The following SIGLEC1 variants were observed in gnomAD, a reference collection of about 807,000 sequenced individuals.
SIGLEC1 encodes the protein sialic acid binding Ig like lectin 1.
Under a neutral mutation model 148.0 loss-of-function variants are expected in SIGLEC1, and 132 were observed. That is an observed-to-expected ratio of 0.89 (90% CI 0.77 to 1.03). The LOEUF (loss-of-function observed/expected upper bound fraction) is 1.03, where lower values mean the gene tolerates loss of function less well. Ranked by LOEUF, SIGLEC1 falls within the 50% of genes least tolerant of loss-of-function variation. SIGLEC1 has a pLI of 0.00. For missense variants in SIGLEC1, 2,253 were observed against 2,271.4 expected (o/e 0.99, Z 0.16); for synonymous variants, 945 against 969.0 (o/e 0.98, Z 0.46).
intron 21 of SIGLEC1, 43 bp from the exon 22 acceptor site, chr20:3,688,662 CCAGGGCAGGCCCCCAGGCCCCCAGCCT>C: frequency 6.7e-7 from 1 of 1,497,620 alleles, no homozygotes; most frequent in South Asian, 1.3e-5. Context: ...CCTCTGGGAG[CCAGGGCAGGCCCCCAGGCCCCCAGCCT>C]CAGGTGGGGT....
chr20:3,694,679 G>A lies in SIGLEC1; in HGVS notation c.2928C>T (p.Ile976=), dbSNP rs1297935063. The stretch of plus-strand genomic sequence containing the variant: ...AGTCCTTACAGGACACGTGGAGGCT[G>A]ATGGGTGCAGCTAGGCTCGTGGTGG... ...GSATTSLAAP[I]SLHVSYAPRH... is the part of the protein sequence containing the mutation. Residue 976 remains isoleucine (I), a synonymous_variant, in exon 12 of 22, where the codon ATC becomes ATT. Transcript: ENST00000344754. 1.9e-6 allele frequency: 3 copies of A among 1,613,338 alleles called. No homozygotes were observed. Among genetic ancestry groups the A allele is most frequent in the African/African-American group, 2.7e-5 (2 of 74,918 alleles).
In SIGLEC1 at chr20:3,688,295, G is replaced by A; in HGVS notation, c.*265C>T. 4.3e-6 allele frequency: 2 copies of A among 469,570 alleles called. No homozygotes were observed. Among genetic ancestry groups the A allele is most frequent in the South Asian group, 4.1e-5 (2 of 48,658 alleles). 29.1% of individuals were successfully genotyped at this position (469,570 alleles called of 1,614,324 possible). A position where few individuals can be genotyped will look rare whatever the true frequency, so the allele number is the denominator to read the frequency against. ...GCTTCCTTTGAGGGAGAAATGGAGA[G>A]AAGGGAGGAGATCCAGAGAAGAGAG... On this transcript the variant is annotated 3_prime_UTR_variant, in exon 22 of 22. Coordinates refer to ENST00000344754, the MANE Select transcript of SIGLEC1 (RefSeq NM_023068.4).
chr20:3,693,604 G>A lies in SIGLEC1; in HGVS notation c.3351C>T (p.Leu1117=), dbSNP rs1263259443. ...GCCCATCCTGGTACCATGTGTAGGT[G>A]AGCTGGGCCGGGTGAGTGGTCCACA... is the stretch of plus-strand genomic sequence containing the variant. ...CLVWTTHPAQ[L]TYTWYQDGQQ... The change falls in exon 14 of 22, where the codon CTC becomes CTT. Residue 1117 remains leucine, a synonymous_variant. Transcript: ENST00000344754. 6.2e-7 allele frequency: 1 copy of A among 1,612,950 alleles called. No homozygotes were observed. Among genetic ancestry groups the A allele is most frequent in the Non-Finnish European group, 8.5e-7 (1 of 1,179,736 alleles).
chr20:3,709,732 G>A (rs529327997), intron 1 of SIGLEC1, among the ~76,000 whole-genome samples: 3 of 152,270 alleles, frequency 2.0e-5, no homozygotes, highest in Admixed American at 6.5e-5. Context: ...AATATCAATC[G>A]GCCATAAGGA....
chr20:3,692,476 A>G, intron 16 of SIGLEC1, 45 bp downstream of exon 16: 3 of 1,536,134 alleles, frequency 2.0e-6, no homozygotes, highest in Non-Finnish European at 2.6e-6. Flanking sequence ...AGCACCCTCC[A>G]CCACCCTCCT....
At position 3,694,505 on chromosome 20, in the gene SIGLEC1, G is replaced by T. The variant is rs770904066; in HGVS notation, c.2972C>A (p.Thr991Asn). Reference protein sequence around the residue: ...SYAPRHVTLTTLMDTGPGRLG... With the variant: ...SYAPRHVTLTNLMDTGPGRLG... ...TCGTCCAGGGCCTGTGTCCATCAGGGTAGTGAGTGTGACGTGGCGTGGGGC... is the reference window on the plus strand; with the variant it reads ...TCGTCCAGGGCCTGTGTCCATCAGGTTAGTGAGTGTGACGTGGCGTGGGGC... Residue 991 changes from threonine (T) to asparagine (N), a missense_variant, in exon 13 of 22, where the codon ACC becomes AAC. Physicochemically the swap from Thr to Asn is moderately conservative, Grantham distance 65. Transcript: ENST00000344754. The T allele has an allele frequency of 2.5e-6, 4 of 1,574,838 alleles. No individual in the cohort carries two copies. Among genetic ancestry groups the T allele is most frequent in the Admixed American group, 3.5e-5 (2 of 56,442 alleles).
At position 3,697,138 on chromosome 20, in the gene SIGLEC1, A is replaced by G. The variant is rs199749371; in HGVS notation, c.2327T>C (p.Ile776Thr). The stretch of plus-strand genomic sequence containing the variant: ...GAGCTGGGCACCAGCCTCAGTCAGG[A>G]TGCGGCAGGCGTAAAGGGCAGCATC... ...RTDAALYACR[I>T]LTEAGAQLST... is the part of the protein sequence containing the mutation. Residue 776 changes from isoleucine to threonine, a missense_variant, in exon 10 of 22, where the codon ATC becomes ACC. By Grantham distance (89) the Ile-to-Thr change is moderately conservative. Coordinates refer to ENST00000344754, the MANE Select transcript of SIGLEC1 (RefSeq NM_023068.4). 4 of 1,613,586 alleles carry G rather than the reference A, an allele frequency of 2.5e-6. No homozygotes were observed. The highest frequency in any genetic ancestry group is 3.3e-5 in the Admixed American group (2 of 60,006).
At chr20:3,691,243 T>C (rs1028403524) in intron 18 of SIGLEC1, 97 bp downstream of exon 18, 1 of 1,485,058 alleles carries the variant, frequency 6.7e-7, no homozygotes, top group Middle Eastern at 1.8e-4. Flanking sequence ...TCAATATCCG[T>C]GAAGCCTTCA....
rs772806805 is a variant in SIGLEC1, at chr20:3,691,356, G to A, written c.4575C>T (p.Val1525=). 124 of 1,613,410 alleles carry A rather than the reference G, an allele frequency of 7.7e-5. 2 individuals are homozygous for A. The South Asian group carries it at 1.3e-3, about 17-fold the overall frequency. Residue 1525 remains valine (V), a synonymous_variant, in exon 18 of 22, where the codon GTC becomes GTT. Transcript: ENST00000344754. The stretch of plus-strand genomic sequence containing the variant: ...CACACTCACAGAGCACACGGAGCAT[G>A]ACTGGAGCAGAGGCAGCAGCCCCAG... ...LPTGAAASAP[V]MLRVLYPPKT...
Position 3,692,712 on chromosome 20 carries a change from G to A in SIGLEC1, c.3839C>T (p.Thr1280Ile), listed in dbSNP as rs1289826085. The change falls in exon 16 of 22, where the codon ACC becomes ATC. Residue 1280 changes from threonine (T) to isoleucine (I), a missense_variant. Coordinates refer to ENST00000344754, the MANE Select transcript of SIGLEC1 (RefSeq NM_023068.4). The stretch of plus-strand genomic sequence containing the variant: ...TGCGTGGGCAGCAGGGTCCGCACAG[G>A]TCACTGTGATGGGGGCACCTTCAGG... ...AVPEGAPITV[T>I]CADPAAHAPT... 1.9e-6 allele frequency: 3 copies of A among 1,612,632 alleles called. No individual in the cohort carries two copies. Among genetic ancestry groups the A allele is most frequent in the Non-Finnish European group, 2.5e-6 (3 of 1,179,910 alleles).
chr20:3,696,129 T>TATATATATATATACACACAC (rs11087599), intron 11 of SIGLEC1, among the ~76,000 whole-genome samples: 122 of 142,502 alleles, frequency 8.6e-4, no homozygotes, highest in African/African-American at 3.2e-3. Flanking sequence ...ACTATATATA[T>TATATATATATATACACACAC]ACACACACAC....
In SIGLEC1 at chr20:3,710,203, T is replaced by C. The variant is rs1446529481; in HGVS notation, c.-110+2267A>G. Among the ~76,000 whole-genome samples the C allele has an allele frequency of 1.3e-5, 2 of 152,070 alleles. No individual in the cohort carries two copies. Among genetic ancestry groups the C allele is most frequent in the Non-Finnish European group, 2.9e-5 (2 of 68,000 alleles). On this transcript the variant is annotated intron_variant, in intron 1 of 21. Coordinates refer to ENST00000344754, the MANE Select transcript of SIGLEC1 (RefSeq NM_023068.4). This position sits in a 1 kb window ranked among gnomAD's most constrained non-coding sequence, Gnocchi z 4.6. ...CTCCCAGCCCATCCGCCTCAGGGGC[T>C]GGGCTCAGCAGATTCCAATGACTAC... is the stretch of plus-strand genomic sequence containing the variant.
At chr20:3,705,424 G>A (rs1189606497) in intron 4 of SIGLEC1, among the ~76,000 whole-genome samples, 1 of 152,192 alleles carries the variant, frequency 6.6e-6, no homozygotes, top group African/African-American at 2.4e-5. Context: ...CCTCCAGCAC[G>A]GGGTAAATCC....
At position 3,698,048 on chromosome 20, in the gene SIGLEC1, G is replaced by A. The variant is rs1456546310; in HGVS notation, c.1872C>T (p.Cys624=). 6.2e-7 allele frequency: 1 copy of A among 1,607,504 alleles called. No individual in the cohort carries two copies. Among genetic ancestry groups the A allele is most frequent in the South Asian group, 1.1e-5 (1 of 90,212 alleles). Residue 624 remains cysteine, a synonymous_variant, in exon 9 of 22, where the codon TGC becomes TGT. Coordinates refer to ENST00000344754, the MANE Select transcript of SIGLEC1 (RefSeq NM_023068.4). The part of the protein sequence containing the change: ...AGAGRRGLLL[C]RVDSDPPARL... ...TGGCGGGGGGGTCGCTGTCCACACG[G>A]CACAAAAGGAGGCCTCGCCGTCCAG...
Position 3,693,618 on chromosome 20 carries a change from G to T in SIGLEC1, c.3337C>A (p.His1113Asn), listed in dbSNP as rs746342270. ...CATGTGTAGGTGAGCTGGGCCGGGTGAGTGGTCCACACAAGGCAGGTCAGG... is the reference window on the plus strand; with the variant it reads ...CATGTGTAGGTGAGCTGGGCCGGGTTAGTGGTCCACACAAGGCAGGTCAGG... The part of the protein sequence containing the change: ...VNLTCLVWTT[H>N]PAQLTYTWYQ... Residue 1113 changes from histidine to asparagine, a missense_variant, in exon 14 of 22, where the codon CAC becomes AAC. Transcript: ENST00000344754. The T allele has an allele frequency of 1.9e-6, 3 of 1,612,758 alleles. No homozygotes were observed. Among genetic ancestry groups the T allele is most frequent in the Non-Finnish European group, 1.7e-6 (2 of 1,179,662 alleles).
Position 3,696,693 on chromosome 20 carries a change from A to G in SIGLEC1, c.2576T>C (p.Leu859Pro). 3.7e-6 allele frequency: 6 copies of G among 1,613,790 alleles called. No individual in the cohort carries two copies. The highest frequency in any genetic ancestry group is 5.1e-6 in the Non-Finnish European group (6 of 1,180,012). Residue 859 changes from leucine to proline, a missense_variant, in exon 11 of 22, where the codon CTG (leucine) becomes CCG (proline). Coordinates refer to ENST00000344754, the MANE Select transcript of SIGLEC1 (RefSeq NM_023068.4). ...GCCCAGTTCTCGGACCTCTAACTTC[A>G]GGGAGTTGGCCTCAGCTTTAGCCTG... ...RFQAKAEANS[L>P]KLEVRELGLG...
Position 3,691,593 on chromosome 20 carries a change from G to C in SIGLEC1, c.4338C>G (p.Arg1446=). 3 of 1,611,696 alleles carry C rather than the reference G, an allele frequency of 1.9e-6. No homozygotes were observed. The highest frequency in any genetic ancestry group is 2.5e-6 in the Non-Finnish European group (3 of 1,179,344). The change falls in exon 18 of 22, where the codon CGC becomes CGG. Residue 1446 remains arginine, a synonymous_variant. Coordinates refer to ENST00000344754, the MANE Select transcript of SIGLEC1 (RefSeq NM_023068.4). The part of the protein sequence containing the change: ...TIGRLQVEGA[R]VVAEPGLDVP... ...CGTCCAGGCCAGGCTCTGCCACCAC[G>C]CGTGCACCTGCGGGCGGAGGATAGA...
chr20:3,705,542 G>A (rs1356370927), intron 4 of SIGLEC1, among the ~76,000 whole-genome samples: 1 of 152,202 alleles, frequency 6.6e-6, no homozygotes, highest in Non-Finnish European at 1.5e-5. Context: ...CCCCTTCGAA[G>A]CAGTAGGAGG....
At position 3,692,021 on chromosome 20, in the gene SIGLEC1, C is replaced by T; in HGVS notation, c.4212G>A (p.Val1404=). 1.9e-6 allele frequency: 3 copies of T among 1,613,448 alleles called. No homozygotes were observed. Among genetic ancestry groups the T allele is most frequent in the Non-Finnish European group, 2.5e-6 (3 of 1,179,858 alleles). Reference sequence around the variant, plus strand: ...CCTGCAGCCGTAGGGCGTTTCGGGCCACCTGGACATGGCCTGTCCCTGATG... The same window carrying T: ...CCTGCAGCCGTAGGGCGTTTCGGGCTACCTGGACATGGCCTGTCCCTGATG... ...SLASGTGHVQ[V]ARNALRLQVQ... Residue 1404 remains valine, a synonymous_variant, in exon 17 of 22, where the codon GTG becomes GTA. Coordinates refer to ENST00000344754, the MANE Select transcript of SIGLEC1 (RefSeq NM_023068.4).
Sources: gnomAD v4.1 joint callset for allele counts (sites outside exome capture counted in the v4.1 genomes callset) on GRCh38, gnomAD v4.1.1 for gene constraint, Gnocchi (gnomAD v3.1) non-coding constraint, MANE v1.5 for transcripts, NCBI Gene and HGNC (gene_info 2026-07-23, HGNC 2026-07-21) for gene names.